EPHA6: variants seen among roughly 807,000 people sequenced by gnomAD.
EPHA6 encodes the protein ephrin type-A receptor 6.
EPHA6 carries 50 observed loss-of-function variants against 112.0 expected under a neutral mutation model. The ratio of observed to expected loss-of-function variants is 0.45; its 90% CI spans 0.36 to 0.56. EPHA6 has a LOEUF of 0.56. EPHA6 is among the 20% of genes least tolerant of loss of function. The pLI, the probability that EPHA6 is intolerant of heterozygous loss-of-function variation, is 0.00. For synonymous variants in EPHA6, 529 were observed against 490.7 expected, an observed-to-expected ratio of 1.08 and a Z score of -1.03; for missense variants, 1,280 against 1,417.4, an observed-to-expected ratio of 0.90 and a Z score of 1.56.
chr3:97,440,652 A>G (rs965319296), intron 6 of EPHA6, among the ~76,000 whole-genome samples: 1 of 151,352 alleles, frequency 6.6e-6, no homozygotes, highest in African/African-American at 2.4e-5. Context: ...AACTATTTAA[A>G]ATGAAAGACA....
chr3:97,206,431 T>A (rs2077713993), intron 3 of EPHA6, among the ~76,000 whole-genome samples: 1 of 152,098 alleles, frequency 6.6e-6, no homozygotes, highest in South Asian at 2.1e-4. Context: ...ATATATTCCA[T>A]CTTTATACCA....
At position 97,470,891 on chromosome 3, in the gene EPHA6, G is replaced by A. The variant is rs114445477; in HGVS notation, c.1895-4461G>A. Among the ~76,000 whole-genome samples the A allele has an allele frequency of 4.2e-3, 633 of 151,734 alleles. 4 individuals are homozygous for A. Among genetic ancestry groups the A allele is most frequent in the Middle Eastern group, 0.017 (5 of 294 alleles). ...TTAAACAAAGGATCATTTCCAATCA[G>A]TGAGTCACAAATAAATTTTATTTTA... On this transcript the variant is annotated intron_variant, in intron 7 of 17. Transcript: ENST00000389672.
intron 5 of EPHA6, among the ~76,000 whole-genome samples, chr3:97,379,829 T>C (rs2085621858): frequency 6.6e-6 from 1 of 150,628 alleles, no homozygotes; most frequent in African/African-American, 2.4e-5. Flanking sequence ...AAGTAAAAAC[T>C]TTATGCTTTT....
At position 96,977,387 on chromosome 3, in the gene EPHA6, G is replaced by A. The variant is rs142837181; in HGVS notation, c.451-9943G>A. Among the ~76,000 whole-genome samples the A allele has an allele frequency of 1.5e-3, 221 of 152,228 alleles. 2 individuals are homozygous for A. The highest frequency in any genetic ancestry group is 7.2e-3 in the East Asian group (37 of 5,174). On this transcript the variant is annotated intron_variant, in intron 2 of 17. Transcript: ENST00000389672. The stretch of plus-strand genomic sequence containing the variant: ...GGAAAGGTGAAAGGGTAAAAGGGGG[G>A]TGGATGATGAGAAATTACTTAATGG...
intron 14 of EPHA6, chr3:97,648,218 T>C (rs2107600565): frequency 1.5e-6 from 1 of 688,464 alleles, no homozygotes; most frequent in Non-Finnish European, 2.6e-6. Context: ...GCCTCATTAT[T>C]GACAATATAT....
intron 1 of EPHA6, among the ~76,000 whole-genome samples, chr3:96,822,642 G>C (rs888161367): frequency 2.0e-5 from 3 of 151,030 alleles, no homozygotes; most frequent in Middle Eastern, 3.4e-3. Flanking sequence ...TGTAATGTTA[G>C]GTATCTATGT....
intron 3 of EPHA6, among the ~76,000 whole-genome samples, chr3:97,120,510 C>T (rs574922019): frequency 8.6e-5 from 13 of 151,832 alleles, no homozygotes; most frequent in African/African-American, 3.1e-4. Flanking sequence ...TGATAATGGA[C>T]TGAGTCACCA....
chr3:97,612,668 A>G (rs1482375943), intron 13 of EPHA6, among the ~76,000 whole-genome samples: 5 of 152,094 alleles, frequency 3.3e-5, no homozygotes, highest in Non-Finnish European at 7.4e-5. Context: ...CTTATTATGT[A>G]CTGTGTATGT....
intron 10 of EPHA6, among the ~76,000 whole-genome samples, chr3:97,509,858 C>T (rs1388476486): frequency 6.6e-6 from 1 of 152,160 alleles, no homozygotes; most frequent in Non-Finnish European, 1.5e-5. Context: ...CACATAGTCT[C>T]ATATTTCTTG....
chr3:97,181,585 A>ATATG (rs1553717176), intron 3 of EPHA6, among the ~76,000 whole-genome samples: 46 of 150,840 alleles, frequency 3.0e-4, no homozygotes, highest in African/African-American at 1.0e-3. Context: ...GTATATATAT[A>ATATG]TGTGTGTGTG....
At chr3:96,881,700 GA>G (rs1430846418) in intron 2 of EPHA6, among the ~76,000 whole-genome samples, 1 of 152,198 alleles carries the variant, frequency 6.6e-6, no homozygotes, top group Non-Finnish European at 1.5e-5. Flanking sequence ...CAAAAGTGCA[GA>G]GTCCAAAGTC....
chr3:97,291,389 G>A (rs932900086), intron 5 of EPHA6, among the ~76,000 whole-genome samples: 1 of 152,080 alleles, frequency 6.6e-6, no homozygotes, highest in Non-Finnish European at 1.5e-5. Flanking sequence ...GATCCCTCTG[G>A]TCATTGTTTC....
intron 14 of EPHA6, among the ~76,000 whole-genome samples, chr3:97,719,481 GT>G (rs1335988485): frequency 2.0e-5 from 3 of 152,060 alleles, no homozygotes; most frequent in Non-Finnish European, 4.4e-5. Flanking sequence ...TGGATGAATT[GT>G]TTTATTCTTG....
chr3:97,348,849 G>A (rs1191704365), intron 5 of EPHA6, among the ~76,000 whole-genome samples: 1 of 151,998 alleles, frequency 6.6e-6, no homozygotes, highest in Non-Finnish European at 1.5e-5. Flanking sequence ...ATGCAACAGG[G>A]AGTAGTAATC....
intron 6 of EPHA6, among the ~76,000 whole-genome samples, chr3:97,437,421 A>T (rs1035989562): frequency 1.3e-5 from 2 of 152,158 alleles, no homozygotes; most frequent in East Asian, 3.9e-4. Context: ...GTTCAGTTTG[A>T]CATTTGGAAT....
intron 5 of EPHA6, among the ~76,000 whole-genome samples, chr3:97,393,218 G>A (rs1170812806): frequency 6.6e-6 from 1 of 151,792 alleles, no homozygotes; most frequent in Non-Finnish European, 1.5e-5. Context: ...AACATGACAA[G>A]TAATAATAAG....
chr3:96,928,764 A>G (rs1052863398), intron 2 of EPHA6, among the ~76,000 whole-genome samples: 12 of 152,008 alleles, frequency 7.9e-5, no homozygotes, highest in African/African-American at 2.7e-4. Flanking sequence ...AGTCTCTTTG[A>G]AGGTCTCTAA....
In EPHA6 at chr3:97,372,732, A is replaced by G. The variant is rs184874395; in HGVS notation, c.1607-32418A>G. On this transcript the variant is annotated intron_variant, in intron 5 of 17. Transcript: ENST00000389672. ...CCATTTTAAGTTTAAAAACACTTCA[A>G]GCAATGCTAAACTACATAATACAAT... Among the ~76,000 whole-genome samples the G allele has an allele frequency of 1.3e-5, 2 of 152,308 alleles. 1 individual carries two copies. The highest frequency in any genetic ancestry group is 3.9e-4 in the East Asian group (2 of 5,180).
rs116627980 is a variant in EPHA6 at position 97,279,721 on chromosome 3, G to A, written c.1606+35434G>A. Among the ~76,000 whole-genome samples, 241 of 152,310 alleles carry A rather than the reference G, an allele frequency of 1.6e-3. 1 individual carries two copies. Among genetic ancestry groups the A allele is most frequent in the African/African-American group, 5.7e-3 (235 of 41,582 alleles). On this transcript the variant is annotated intron_variant, in intron 5 of 17. Transcript: ENST00000389672. ...TATATGTTTAATCTTGATGTTTACT[G>A]AAGACATGAATGACATTTTCACTTC...
Sources: allele counts gnomAD v4.1 joint callset (sites outside exome capture counted in the v4.1 genomes callset), GRCh38; gene constraint gnomAD v4.1.1; transcripts MANE v1.5; gene names NCBI Gene and HGNC (gene_info 2026-07-23, HGNC 2026-07-21).